EIF4G3: variants seen among roughly 807,000 people sequenced by gnomAD.
EIF4G3 encodes eIF-4-gamma 3.
EIF4G3 carries 34 observed loss-of-function variants against 186.4 expected under a neutral mutation model. The observed-to-expected ratio is 0.18, with a 90% CI of 0.14 to 0.24. EIF4G3 has a LOEUF of 0.24. Among genes scored for constraint, EIF4G3 ranks in the 10% least tolerant of loss-of-function variants. The probability of loss-of-function intolerance (pLI) is 1.00; values close to 1 mark genes in which losing one functional copy is unlikely to be tolerated. For missense variants in EIF4G3, 1,536 were observed against 1,948.5 expected (o/e 0.79, Z 3.99); for synonymous variants, 673 against 679.5 (o/e 0.99, Z 0.15).
At chr1:20,895,085 C>T (rs2087512846) in intron 17 of EIF4G3, among the ~76,000 whole-genome samples, 1 of 151,362 alleles carries the variant, frequency 6.6e-6, no homozygotes, top group African/African-American at 2.4e-5. Context: ...CCAACAAACA[C>T]AAAATTTTTT....
At chr1:20,927,839 T>C (rs1327652173) in intron 14 of EIF4G3, among the ~76,000 whole-genome samples, 1 of 152,168 alleles carries the variant, frequency 6.6e-6, no homozygotes, top group African/African-American at 2.4e-5. Context: ...GCAATGCCTC[T>C]AGAATGATTG....
intron 20 of EIF4G3, among the ~76,000 whole-genome samples, chr1:20,878,442 ATT>A (rs1470425567): frequency 6.6e-6 from 1 of 152,106 alleles, no homozygotes; most frequent in African/African-American, 2.4e-5. Flanking sequence ...CTTTTAAGTA[ATT>A]TTTTTCTTGG....
At chr1:20,927,929 C>G (rs1400317561) in intron 14 of EIF4G3, among the ~76,000 whole-genome samples, 1 of 152,092 alleles carries the variant, frequency 6.6e-6, no homozygotes, top group African/African-American at 2.4e-5. Flanking sequence ...GTGAACATGG[C>G]TCAGTGCGGC....
At chr1:21,124,705 T>C (rs933751608) in intron 2 of EIF4G3, among the ~76,000 whole-genome samples, 1 of 152,222 alleles carries the variant, frequency 6.6e-6, no homozygotes, top group Non-Finnish European at 1.5e-5. Context: ...AGCATAAAAA[T>C]GGCATTTATT....
rs11432023 is a variant in EIF4G3 at position 21,129,315 on chromosome 1, CA to C, written c.-271-40103del. Among the ~76,000 whole-genome samples, 416 of 144,528 alleles carry C rather than the reference CA, an allele frequency of 2.9e-3. 3 individuals are homozygous for C. Among genetic ancestry groups the C allele is most frequent in the African/African-American group, 9.5e-3 (372 of 38,984 alleles). 94.8% of individuals were successfully genotyped at this position (144,528 alleles called of 152,430 possible). On this transcript the variant is annotated intron_variant, in intron 2 of 36. Transcript: ENST00000602326. ...GGGCAACAAGAGCGAAACTCTATCT[CA>C]AAAAAAAAAAAACTGCTAAAAGTTT... is the stretch of plus-strand genomic sequence containing the variant.
intron 7 of EIF4G3, among the ~76,000 whole-genome samples, chr1:20,996,577 C>T (rs1041976097): frequency 1.3e-5 from 2 of 152,120 alleles, no homozygotes; most frequent in Admixed American, 6.5e-5. Flanking sequence ...TATCCATTTA[C>T]TCAGTAATAA....
chr1:20,885,793 A>G (rs1465934944), intron 19 of EIF4G3, among the ~76,000 whole-genome samples: 1 of 152,282 alleles, frequency 6.6e-6, no homozygotes, highest in Admixed American at 6.5e-5. Flanking sequence ...AAAGGCTTCA[A>G]AACAAGATGA....
At chr1:20,956,217 T>C (rs1201994375) in intron 12 of EIF4G3, among the ~76,000 whole-genome samples, 5 of 152,222 alleles carry the variant, frequency 3.3e-5, no homozygotes, top group African/African-American at 9.6e-5. Flanking sequence ...TCTCATCTTG[T>C]AGTTCCCATA....
intron 2 of EIF4G3, among the ~76,000 whole-genome samples, chr1:21,150,299 TG>T (rs1471662980): frequency 2.6e-5 from 4 of 151,992 alleles, no homozygotes; most frequent in Non-Finnish European, 5.9e-5. Flanking sequence ...AAAATAACAA[TG>T]AAGCAAGCAT....
intron 29 of EIF4G3, among the ~76,000 whole-genome samples, chr1:20,845,133 A>G (rs2070375419): frequency 6.6e-6 from 1 of 152,178 alleles, no homozygotes; most frequent in African/African-American, 2.4e-5. Context: ...TGATTTTTGT[A>G]TATGGTATAA....
At chr1:20,921,566 T>C (rs182294389) in intron 14 of EIF4G3, among the ~76,000 whole-genome samples, 12 of 152,334 alleles carry the variant, frequency 7.9e-5, no homozygotes, top group Admixed American at 5.2e-4. Context: ...AGGGACTAGA[T>C]ACCAGACCCT....
intron 2 of EIF4G3, among the ~76,000 whole-genome samples, chr1:21,160,308 C>G (rs2097743199): frequency 6.6e-6 from 1 of 151,994 alleles, no homozygotes; most frequent in Admixed American, 6.6e-5. Context: ...AAAGCTTTTC[C>G]TCATAGAATT....
chr1:21,023,871 G>A lies in EIF4G3; in HGVS notation c.-66-21063C>T, dbSNP rs1371041672. Among the ~76,000 whole-genome samples the A allele has an allele frequency of 1.8e-4, 25 of 137,882 alleles. 1 individual carries two copies. Among genetic ancestry groups the A allele is most frequent in the African/African-American group, 5.5e-4 (21 of 37,996 alleles). The allele number at this position is 137,882 out of a possible 152,430, so 90.5% of individuals were successfully genotyped here. A position where few individuals can be genotyped will look rare whatever the true frequency, so the allele number is the denominator to read the frequency against. On this transcript the variant is annotated intron_variant, in intron 4 of 36. Coordinates refer to ENST00000602326, the MANE Select transcript of EIF4G3 (RefSeq NM_001391906.1). ...AAGTGAGGAGCGTCTCTGCCCGGCC[G>A]CCCATCGTCTGAGATGTGGGGAGCG...
At chr1:21,076,416 A>G (rs2100599376) in intron 3 of EIF4G3, among the ~76,000 whole-genome samples, 1 of 152,262 alleles carries the variant, frequency 6.6e-6, no homozygotes, top group East Asian at 1.9e-4. Flanking sequence ...GCAAAAGCAA[A>G]GCAGCAGAAA....
chr1:20,843,685 G>GTGCAGCTT (rs1413445140), intron 29 of EIF4G3, among the ~76,000 whole-genome samples: 1 of 152,158 alleles, frequency 6.6e-6, no homozygotes, highest in African/African-American at 2.4e-5. Context: ...TGTGCAGGAT[G>GTGCAGCTT]TGCAGCTTTG....
chr1:20,986,640 T>A (rs1344154174), intron 7 of EIF4G3, among the ~76,000 whole-genome samples: 6 of 145,440 alleles, frequency 4.1e-5, no homozygotes, highest in African/African-American at 1.5e-4. Flanking sequence ...TCCCAGCTAC[T>A]TGGGAGGCTG....
intron 27 of EIF4G3, among the ~76,000 whole-genome samples, chr1:20,851,874 C>T (rs560858194): frequency 7.6e-4 from 115 of 152,024 alleles, no homozygotes; most frequent in African/African-American, 2.4e-3. Context: ...AAAAATTAGC[C>T]GGGTTTGGTG....
intron 12 of EIF4G3, among the ~76,000 whole-genome samples, chr1:20,963,219 G>A: frequency 6.6e-6 from 1 of 151,922 alleles, no homozygotes; most frequent in East Asian, 1.9e-4. Flanking sequence ...TATATTTTGT[G>A]TATTCATGAC....
chr1:20,837,723 G>C (rs1248052678), intron 30 of EIF4G3, among the ~76,000 whole-genome samples: 1 of 152,090 alleles, frequency 6.6e-6, no homozygotes, highest in African/African-American at 2.4e-5. Flanking sequence ...CCAATGAAAT[G>C]GCCTCTCTAG....
Sources: gnomAD v4.1 joint callset for allele counts (sites outside exome capture counted in the v4.1 genomes callset) on GRCh38, gnomAD v4.1.1 for gene constraint, MANE v1.5 for transcripts, NCBI Gene and HGNC (gene_info 2026-07-23, HGNC 2026-07-21) for gene names.